The following ZNF141 variants were observed in gnomAD, a reference collection of about 807,000 sequenced individuals.
ZNF141 encodes the protein zinc finger protein 141, also known as zinc finger protein 141 (clone pHZ-44).
A neutral mutation model predicts 11.3 loss-of-function variants in ZNF141; 7 were observed. The observed-to-expected ratio is 0.62, with a 90% CI of 0.35 to 1.16. The LOEUF (loss-of-function observed/expected upper bound fraction) is 1.16, where lower values mean the gene tolerates loss of function less well. Among genes scored for constraint, ZNF141 ranks in the 50% most tolerant of loss-of-function variants. The pLI is 0.02. For missense variants in ZNF141, 535 were observed against 554.0 expected (o/e 0.97, Z 0.34); for synonymous variants, 183 against 190.7 (o/e 0.96, Z 0.33).
chr4:339,279 C>G (rs902394068), intron 1 of ZNF141, among the ~76,000 whole-genome samples: 2 of 152,260 alleles, frequency 1.3e-5, no homozygotes, highest in Non-Finnish European at 2.9e-5. Flanking sequence ...TTTGGACCAC[C>G]TGATCCTAAT....
rs112383555 is a variant in ZNF141 at position 378,909 on chromosome 4, A to G, written c.*5047A>G. On this transcript the variant is annotated 3_prime_UTR_variant, in exon 4 of 4. Coordinates refer to ENST00000240499, the MANE Select transcript of ZNF141 (RefSeq NM_003441.4). ...ACCCAGGCTGGAGTGCAGTGGCACA[A>G]TCTCAGCTCATTGCAACCTCCACCT... 0.029 allele frequency among the ~76,000 whole-genome samples: 4,037 copies of G among 139,540 alleles called. 189 individuals are homozygous for G. Among genetic ancestry groups the G allele is most frequent in the African/African-American group, 0.1 (3,778 of 36,240 alleles). 91.5% of individuals were successfully genotyped at this position (139,540 alleles called of 152,430 possible).
At chr4:343,038 A>T (rs77959891) in intron 1 of ZNF141, 1,281 of 321,872 alleles carry the variant, frequency 4.0e-3, no homozygotes, top group Middle Eastern at 5.9e-3. Flanking sequence ...AAAAAGTATT[A>T]AAAAAGTTCC....
chr4:339,317 CAGTT>C (rs1378133703), intron 1 of ZNF141, among the ~76,000 whole-genome samples: 2 of 152,358 alleles, frequency 1.3e-5, no homozygotes, highest in South Asian at 2.1e-4. Context: ...GCTCAGGAAT[CAGTT>C]AGAGCTTAGC....
chr4:371,120 A>T (rs917273353), intron 3 of ZNF141, among the ~76,000 whole-genome samples: 2 of 145,068 alleles, frequency 1.4e-5, no homozygotes, highest in Admixed American at 6.8e-5. Flanking sequence ...GTTTTCATTT[A>T]TATATATATA....
At chr4:344,049 T>A (rs1553849023) in intron 2 of ZNF141, 141 bp downstream of exon 2, 2 of 1,240,128 alleles carry the variant, frequency 1.6e-6, no homozygotes, top group East Asian at 5.0e-5. Flanking sequence ...TCCTTCACTC[T>A]AGGTTAGTGG....
chr4:369,758 A>ATTT (rs1560196787), intron 3 of ZNF141, among the ~76,000 whole-genome samples: 4 of 34,782 alleles, frequency 1.2e-4, no homozygotes, highest in African/African-American at 5.6e-4. Flanking sequence ...ATATATATAT[A>ATTT]TATATATTTT....
intron 3 of ZNF141, among the ~76,000 whole-genome samples, chr4:362,122 T>G (rs2108713563): frequency 6.6e-6 from 1 of 152,388 alleles, no homozygotes; most frequent in South Asian, 2.1e-4. Flanking sequence ...ATTTCTCTGA[T>G]GGCCAGTGAT....
rs1054876778 is a variant in ZNF141 at position 373,926 on chromosome 4, A to G, written c.*64A>G. 5 of 1,408,310 alleles carry G rather than the reference A, an allele frequency of 3.6e-6. No homozygotes were observed. In the African/African-American group the frequency reaches 4.3e-5, roughly 12 times the overall value. The allele number at this position is 1,408,310 out of a possible 1,614,324, so 87.2% of individuals were successfully genotyped here. A position where few individuals can be genotyped will look rare whatever the true frequency, so the allele number is the denominator to read the frequency against. ...GGATGATCCACAAACCTTAATGAAC[A>G]TGAGAAAATTTATACTGTAGAGAAA... On this transcript the variant is annotated 3_prime_UTR_variant, in exon 4 of 4. Transcript: ENST00000240499.
chr4:346,513 A>G (rs1553849529), intron 3 of ZNF141, among the ~76,000 whole-genome samples: 1 of 152,232 alleles, frequency 6.6e-6, no homozygotes, highest in African/African-American at 2.4e-5. Context: ...CATACATTAT[A>G]GTATTAACTA....
chr4:338,331 C>T (rs1553847908), intron 1 of ZNF141: 2 of 306,646 alleles, frequency 6.5e-6, no homozygotes, highest in East Asian at 9.4e-5. Context: ...CCCTGCTTTA[C>T]CCTGTTCGGA....
intron 3 of ZNF141, among the ~76,000 whole-genome samples, chr4:366,668 A>ATATTT (rs142773716): frequency 6.6e-6 from 1 of 151,732 alleles, no homozygotes; most frequent in Non-Finnish European, 1.5e-5. Context: ...GCTGCTAGAC[A>ATATTT]TATTTTATTT....
rs1242859241 is a variant in ZNF141, at chr4:384,472, G to C, written c.*10610G>C. ...AATGTGGTTAAGAACTTCCTCTTAT[G>C]CCAGGGTGTTGATCAGAAGAGACTG... On this transcript the variant is annotated 3_prime_UTR_variant, in exon 4 of 4. Coordinates refer to ENST00000240499, the MANE Select transcript of ZNF141 (RefSeq NM_003441.4). The C allele has an allele frequency of 6.6e-6, 1 of 152,216 alleles. No homozygotes were observed. Among genetic ancestry groups the C allele is most frequent in the Non-Finnish European group, 1.5e-5 (1 of 68,048 alleles). 9.4% of individuals were successfully genotyped at this position (152,216 alleles called of 1,614,324 possible). A position where few individuals can be genotyped will look rare whatever the true frequency, so the allele number is the denominator to read the frequency against.
At position 380,246 on chromosome 4, in the gene ZNF141, C is replaced by T. The variant is rs1464098000; in HGVS notation, c.*6384C>T. On this transcript the variant is annotated 3_prime_UTR_variant, in exon 4 of 4. Coordinates refer to ENST00000240499, the MANE Select transcript of ZNF141 (RefSeq NM_003441.4). ...ATTCATTTCTTGGTTGAAAAACTCA[C>T]GTGATGAGAAGATATTTCTGTATTA... Among the ~76,000 whole-genome samples, 4 of 152,168 alleles carry T rather than the reference C, an allele frequency of 2.6e-5. No individual in the cohort carries two copies. Among genetic ancestry groups the T allele is most frequent in the African/African-American group, 4.8e-5 (2 of 41,436 alleles).
In ZNF141 at chr4:379,295, T is replaced by G. The variant is rs1473718849; in HGVS notation, c.*5433T>G. The stretch of plus-strand genomic sequence containing the variant: ...GTACTTCAAGCTTAAAAGTAAGAGC[T>G]CTAGAGTGTATTGTCTTGTATTATA... On this transcript the variant is annotated 3_prime_UTR_variant, in exon 4 of 4. Coordinates refer to ENST00000240499, the MANE Select transcript of ZNF141 (RefSeq NM_003441.4). Among the ~76,000 whole-genome samples, 2 of 152,230 alleles carry G rather than the reference T, an allele frequency of 1.3e-5. No individual in the cohort carries two copies. The highest frequency in any genetic ancestry group is 1.9e-4 in the East Asian group (1 of 5,206).
At chr4:338,975 C>T (rs1720923354) in intron 1 of ZNF141, among the ~76,000 whole-genome samples, 1 of 152,252 alleles carries the variant, frequency 6.6e-6, no homozygotes, top group Admixed American at 6.5e-5. Flanking sequence ...CTCCAGGTCT[C>T]CTCCCGGGGA....
At chr4:344,307 T>A in intron 2 of ZNF141, 28 bp from the exon 3 acceptor site, 1 of 1,578,816 alleles carries the variant, frequency 6.3e-7, no homozygotes, top group South Asian at 1.1e-5. Flanking sequence ...TCAATAGTCA[T>A]GTTATTATTT....
intron 3 of ZNF141, among the ~76,000 whole-genome samples, chr4:355,182 AT>A (rs1721785384): frequency 6.6e-6 from 1 of 151,168 alleles, no homozygotes; most frequent in Non-Finnish European, 1.5e-5. Flanking sequence ...TCTTTATTTT[AT>A]TTTATTTATT....
intron 1 of ZNF141, among the ~76,000 whole-genome samples, chr4:340,441 ACT>A: frequency 6.6e-6 from 1 of 152,214 alleles, no homozygotes; most frequent in Non-Finnish European, 1.5e-5. Context: ...CAGATCTGAC[ACT>A]GATTCAGAAA....
intron 3 of ZNF141, among the ~76,000 whole-genome samples, chr4:359,079 T>C (rs1721988282): frequency 1.3e-5 from 2 of 152,164 alleles, no homozygotes; most frequent in Admixed American, 6.6e-5. Flanking sequence ...TACAGACTAG[T>C]TTAGGGAGGT....
Sources: allele counts gnomAD v4.1 joint callset (sites outside exome capture counted in the v4.1 genomes callset), GRCh38; gene constraint gnomAD v4.1.1; transcripts MANE v1.5; gene names NCBI Gene and HGNC (gene_info 2026-07-23, HGNC 2026-07-21).